Variants in SLCO1A2 observed in about 807,000 individuals in gnomAD.
SLCO1A2 encodes the protein solute carrier organic anion transporter family member 1A2.
SLCO1A2 carries 67 observed loss-of-function variants against 69.0 expected under a neutral mutation model. The ratio of observed to expected loss-of-function variants is 0.97; its 90% CI spans 0.80 to 1.19. SLCO1A2 has a LOEUF of 1.19. SLCO1A2 is among the 50% of genes most tolerant of loss of function. The probability of loss-of-function intolerance (pLI) is 0.00; values close to 1 mark genes in which losing one functional copy is unlikely to be tolerated. For missense variants in SLCO1A2, 787 were observed against 793.7 expected (o/e 0.99, Z 0.10); for synonymous variants, 260 against 265.9 (o/e 0.98, Z 0.22).
intron 1 of SLCO1A2, among the ~76,000 whole-genome samples, chr12:21,410,272 A>G (rs1941886827): frequency 1.3e-5 from 2 of 152,164 alleles, no homozygotes; most frequent in South Asian, 4.1e-4. Flanking sequence ...ATTTATGCAT[A>G]TTCCTAAAGA....
At chr12:21,321,115 A>G (rs1247495093) in intron 2 of SLCO1A2, among the ~76,000 whole-genome samples, 1 of 152,160 alleles carries the variant, frequency 6.6e-6, no homozygotes, top group Non-Finnish European at 1.5e-5. Context: ...TGTCTGAATT[A>G]CCATCTTACT....
At chr12:21,418,679 C>A (rs1348734350), upstream of SLCO1A2, among the ~76,000 whole-genome samples, 1 of 152,004 alleles carries the variant, frequency 6.6e-6, no homozygotes, top group African/African-American at 2.4e-5. Flanking sequence ...TATCTCCCAC[C>A]GGGTCCCTCC....
chr12:21,397,171 G>A (rs575251452), upstream of SLCO1A2, among the ~76,000 whole-genome samples: 36 of 151,852 alleles, frequency 2.4e-4, no homozygotes, highest in Admixed American at 6.6e-4. Context: ...TAAAAGGATG[G>A]AGGAAGATCT....
At chr12:21,325,745 T>A (rs1354539949) in intron 2 of SLCO1A2, among the ~76,000 whole-genome samples, 4 of 152,208 alleles carry the variant, frequency 2.6e-5, no homozygotes, top group African/African-American at 9.7e-5. Flanking sequence ...TTTCATTTCT[T>A]ATAAAACGTC....
intron 12 of SLCO1A2, among the ~76,000 whole-genome samples, chr12:21,283,311 C>T (rs905289503): frequency 5.3e-5 from 8 of 152,004 alleles, no homozygotes; most frequent in Non-Finnish European, 1.2e-4. Flanking sequence ...CAAGAATGTA[C>T]ATTGGGGAAA....
At chr12:21,302,796 A>G (rs73235210) in intron 6 of SLCO1A2, among the ~76,000 whole-genome samples, 10,293 of 151,906 alleles carry the variant, frequency 0.068, 1,115 homozygotes, top group African/African-American at 0.23. Context: ...AACTCAGATG[A>G]TCTGCCTGCC....
chr12:21,298,501 A>G (rs778448033), intron 8 of SLCO1A2, among the ~76,000 whole-genome samples: 1 of 152,186 alleles, frequency 6.6e-6, no homozygotes, highest in Non-Finnish European at 1.5e-5. Context: ...TAAACTGCTC[A>G]CAATTCATTC....
intron 1 of SLCO1A2, among the ~76,000 whole-genome samples, chr12:21,388,283 G>T (rs2137145313): frequency 6.6e-6 from 1 of 152,232 alleles, no homozygotes; most frequent in Non-Finnish European, 1.5e-5. Context: ...AGATTTGGGA[G>T]GGACCAGGGG....
chr12:21,265,843 C>A lies in SLCO1A2; in HGVS notation c.*3705G>T, dbSNP rs917250662. On this transcript the variant is annotated 3_prime_UTR_variant, in exon 15 of 15. Coordinates refer to ENST00000683939, the MANE Select transcript of SLCO1A2 (RefSeq NM_001386879.1). ...ATCTAAGAATGCCAGAACAGGAATT[C>A]TCCAGGCCCAGTAAATAAGAACCAT... 1 of 152,064 alleles carries A rather than the reference C, an allele frequency of 6.6e-6. No individual in the cohort carries two copies. Among genetic ancestry groups the A allele is most frequent in the Admixed American group, 6.6e-5 (1 of 15,234 alleles). 9.4% of individuals were successfully genotyped at this position (152,064 alleles called of 1,614,324 possible).
intron 2 of SLCO1A2, among the ~76,000 whole-genome samples, chr12:21,329,783 A>T (rs1013056100): frequency 1.3e-4 from 20 of 151,428 alleles, no homozygotes; most frequent in Non-Finnish European, 2.8e-4. Context: ...CAAAAGCTAC[A>T]TCATTGTATT....
rs778539726 is a variant in SLCO1A2, at chr12:21,292,266, C to T, written c.1508G>A (p.Gly503Glu). The T allele has an allele frequency of 4.3e-6, 7 of 1,613,018 alleles. No individual in the cohort carries two copies. The change falls in exon 12 of 15, where the codon GGA becomes GAA. Residue 503 changes from glycine (G) to glutamate (E), a missense_variant. Gly to Glu is a moderately conservative substitution (Grantham distance 98). Coordinates refer to ENST00000683939, the MANE Select transcript of SLCO1A2 (RefSeq NM_001386879.1). ...SSAVLGLCDK[G>E]PDCSLMLQYF... ...CTGGAGCATCAAGGAACAGTCAGGTCCTTTGTCGCACAGCCCAAGAACTGC... is the reference window on the plus strand; with the variant it reads ...CTGGAGCATCAAGGAACAGTCAGGTTCTTTGTCGCACAGCCCAAGAACTGC...
At chr12:21,375,589 C>T (rs2137102754) in intron 1 of SLCO1A2, among the ~76,000 whole-genome samples, 1 of 152,280 alleles carries the variant, frequency 6.6e-6, no homozygotes, top group Non-Finnish European at 1.5e-5. Context: ...ATCTGCCTGG[C>T]AGGTAATCAA....
At chr12:21,303,026 C>T (rs1266275461) in intron 6 of SLCO1A2, among the ~76,000 whole-genome samples, 1 of 152,044 alleles carries the variant, frequency 6.6e-6, no homozygotes, top group South Asian at 2.1e-4. Flanking sequence ...TTTATATTCT[C>T]TTCTAAACTC....
At chr12:21,364,840 G>A (rs534253882) in intron 2 of SLCO1A2, among the ~76,000 whole-genome samples, 5 of 152,162 alleles carry the variant, frequency 3.3e-5, no homozygotes, top group African/African-American at 1.2e-4. Context: ...AACTTACAAG[G>A]GATGTGAAGT....
intron 2 of SLCO1A2, among the ~76,000 whole-genome samples, chr12:21,352,183 T>G (rs1938013050): frequency 6.6e-6 from 1 of 152,106 alleles, no homozygotes. Flanking sequence ...GAATTGGATC[T>G]CACCAAGCAT....
chr12:21,372,324 GT>G (rs1939860885), intron 2 of SLCO1A2, among the ~76,000 whole-genome samples: 1 of 152,062 alleles, frequency 6.6e-6, no homozygotes, highest in Non-Finnish European at 1.5e-5. Flanking sequence ...TTCTAATTTT[GT>G]TTTGTTCCCT....
intron 1 of SLCO1A2, among the ~76,000 whole-genome samples, chr12:21,392,237 A>G (rs1454081195): frequency 6.6e-6 from 1 of 152,102 alleles, no homozygotes; most frequent in Non-Finnish European, 1.5e-5. Flanking sequence ...GCCTCTTTCT[A>G]CTAAACTCTC....
At chr12:21,400,564 A>G (rs1352914540) in intron 1 of SLCO1A2, among the ~76,000 whole-genome samples, 2 of 152,070 alleles carry the variant, frequency 1.3e-5, no homozygotes, top group Non-Finnish European at 2.9e-5. Context: ...GCTGCTATAA[A>G]GACACATGCA....
Position 21,293,998 on chromosome 12 carries a change from G to T in SLCO1A2, c.1384C>A (p.Leu462Met). ...TCACAACCAGCAAGACAAGCTGACA[G>T]ATATGACAAGCCATTGTTTCCACAC... is the stretch of plus-strand genomic sequence containing the variant. Reference protein sequence around the residue: ...PVCGNNGLSYLSACLAGCETS... With the variant: ...PVCGNNGLSYMSACLAGCETS... Residue 462 changes from leucine (L) to methionine (M), a missense_variant, in exon 11 of 15, where the codon CTG (leucine) becomes ATG (methionine). Physicochemically the swap from Leu to Met is conservative, Grantham distance 15. Coordinates refer to ENST00000683939, the MANE Select transcript of SLCO1A2 (RefSeq NM_001386879.1). 6.2e-7 allele frequency: 1 copy of T among 1,613,070 alleles called. No individual in the cohort carries two copies. Among genetic ancestry groups the T allele is most frequent in the Non-Finnish European group, 8.5e-7 (1 of 1,179,508 alleles).
Sources: gnomAD v4.1 joint callset for allele counts (sites outside exome capture counted in the v4.1 genomes callset) on GRCh38, gnomAD v4.1.1 for gene constraint, MANE v1.5 for transcripts, NCBI Gene and HGNC (gene_info 2026-07-23, HGNC 2026-07-21) for gene names.